The following EPHA8 variants were observed in gnomAD, a reference collection of about 807,000 sequenced individuals.
The protein encoded by EPHA8 is ephrin type-A receptor 8.
Under a neutral mutation model 103.6 loss-of-function variants are expected in EPHA8, and 58 were observed. The ratio of observed to expected loss-of-function variants is 0.56; its 90% CI spans 0.45 to 0.70. EPHA8 has a LOEUF of 0.70. Among genes scored for constraint, EPHA8 ranks in the 30% least tolerant of loss-of-function variants. The probability of loss-of-function intolerance (pLI) is 0.00; values close to 1 mark genes in which losing one functional copy is unlikely to be tolerated. For synonymous variants in EPHA8, 559 were observed against 572.5 expected, an observed-to-expected ratio of 0.98 and a Z score of 0.34; for missense variants, 1,304 against 1,395.2, an observed-to-expected ratio of 0.93 and a Z score of 1.04.
At chr1:22,577,903 G>C (rs1640768092) in intron 3 of EPHA8, among the ~76,000 whole-genome samples, 1 of 78,056 alleles carries the variant, frequency 1.3e-5, no homozygotes, top group African/African-American at 5.3e-5. Context: ...GTGCATGTGT[G>C]TGTATGTGTG....
intron 3 of EPHA8, among the ~76,000 whole-genome samples, chr1:22,577,797 CGT>C (rs1557558220): frequency 1.4e-4 from 18 of 126,992 alleles, no homozygotes; most frequent in African/African-American, 5.3e-4. Context: ...TGCGTGTGTG[CGT>C]AAGTGTATGT....
chr1:22,601,310 C>CTGTG lies in EPHA8; in HGVS notation c.2740_2741insTGTG (p.Pro914LeufsTer10). The stretch of plus-strand genomic sequence containing the variant: ...GCCCCTGTGCCTCAGGTGCCCACCC[C>CTGTG]CTGCCTTCGTCCGGAGCTGCTTTGA... On this transcript the variant is annotated frameshift_variant, in exon 16 of 17. Coordinates refer to ENST00000166244, the MANE Select transcript of EPHA8 (RefSeq NM_020526.5). LOFTEE classifies it high-confidence loss of function. The CTGTG allele has an allele frequency of 1.9e-6, 3 of 1,599,996 alleles. No homozygotes were observed. The highest frequency in any genetic ancestry group is 2.6e-6 in the Non-Finnish European group (3 of 1,175,782).
rs762318441 is a variant in EPHA8 at position 22,600,638 on chromosome 1, C to T, written c.2389-23C>T. The T allele has an allele frequency of 6.2e-6, 10 of 1,611,318 alleles. No homozygotes were observed. The South Asian group carries it at 8.8e-5, about 14-fold the overall frequency. ...ACCCTGCCAGGCCTGGGCAGCCCCT[C>T]AACTCTTGTGTGTCCGTCGCAGGGC... On this transcript the variant is annotated intron_variant, in intron 13 of 16. Coordinates refer to ENST00000166244, the MANE Select transcript of EPHA8 (RefSeq NM_020526.5).
intron 3 of EPHA8, among the ~76,000 whole-genome samples, chr1:22,581,558 T>A (rs1641047677): frequency 6.6e-6 from 1 of 152,100 alleles, no homozygotes; most frequent in African/African-American, 2.4e-5. Flanking sequence ...TCTTGCCCAA[T>A]TTTCTCAGCA....
chr1:22,585,048 T>TGTGTGCGCGTGC (rs1335581382), intron 3 of EPHA8, among the ~76,000 whole-genome samples: 1 of 111,284 alleles, frequency 9.0e-6, no homozygotes, highest in African/African-American at 4.5e-5. Flanking sequence ...TGTGTGTGTG[T>TGTGTGCGCGTGC]GTGCGCACGC....
In EPHA8 at chr1:22,600,996, G is replaced by A. The variant is rs776185156; in HGVS notation, c.2637G>A (p.Arg879=). 1.1e-5 allele frequency: 17 copies of A among 1,612,974 alleles called. No individual in the cohort carries two copies. The South Asian group carries it at 1.9e-4, about 18-fold the overall frequency. Residue 879 remains arginine, a synonymous_variant, in exon 15 of 17, where the codon CGG becomes CGA. Coordinates refer to ENST00000166244, the MANE Select transcript of EPHA8 (RefSeq NM_020526.5). Reference sequence around the variant, plus strand: ...TGCTCGACTGTTGGCACAAGGACCGGGCGCAGCGGCCTCGCTTCTCCCAGA... The same window carrying A: ...TGCTCGACTGTTGGCACAAGGACCGAGCGCAGCGGCCTCGCTTCTCCCAGA... ...QLMLDCWHKD[R]AQRPRFSQIV... is the part of the protein sequence containing the mutation.
intron 3 of EPHA8, among the ~76,000 whole-genome samples, chr1:22,583,071 G>T (rs1402933080): frequency 6.6e-6 from 1 of 152,228 alleles, no homozygotes; most frequent in Non-Finnish European, 1.5e-5. Context: ...GGTGGCCAGG[G>T]CCACAGGCAG....
rs138090615 is a variant in EPHA8, at chr1:22,595,272, C to T, written c.1646C>T (p.Thr549Met). Residue 549 changes from threonine (T) to methionine (M), a missense_variant, in exon 8 of 17, where the codon ACG (threonine) becomes ATG (methionine). Transcript: ENST00000166244. ...AGGACCATTGTCTGGATCTGCCTGA[C>T]GCTCATCACGGGCCTGGTGGTGCTT... ...DTRTIVWICLTLITGLVVLLL... is the reference protein window; with the variant it reads ...DTRTIVWICLMLITGLVVLLL... 3.9e-5 allele frequency: 63 copies of T among 1,613,748 alleles called. No individual in the cohort carries two copies. The highest frequency in any genetic ancestry group is 4.7e-5 in the Non-Finnish European group (55 of 1,179,882).
rs1489243212 is a variant in EPHA8 at position 22,598,128 on chromosome 1, C to G, written c.2117-23C>G. On this transcript the variant is annotated intron_variant, in intron 11 of 16. Coordinates refer to ENST00000166244, the MANE Select transcript of EPHA8 (RefSeq NM_020526.5). The surrounding 1 kb of genome is among the most constrained non-coding windows in gnomAD (Gnocchi z 5.1). ...GCCCTGAGCCCCAAACCAAGAGCCA[C>G]CCTCTCCCTACTGCCCGCCCAGGCC... is the stretch of plus-strand genomic sequence containing the variant. 1 of 1,612,982 alleles carries G rather than the reference C, an allele frequency of 6.2e-7. No individual in the cohort carries two copies.
chr1:22,601,546 G>A (rs1239163394), intron 16 of EPHA8, 73 bp downstream of exon 16: 10 of 1,597,962 alleles, frequency 6.3e-6, no homozygotes, highest in Non-Finnish European at 7.7e-6. Context: ...GGAGGCTACA[G>A]GTCCAGATCC....
intron 13 of EPHA8, among the ~76,000 whole-genome samples, chr1:22,600,081 A>T (rs1202676479): frequency 2.3e-5 from 2 of 88,548 alleles, no homozygotes; most frequent in African/African-American, 4.8e-5. Flanking sequence ...GGGAGGAAGG[A>T]AGGGAGGGAG....
chr1:22,599,808 GAGAA>G (rs1489706398), intron 13 of EPHA8, among the ~76,000 whole-genome samples: 1 of 11,234 alleles, frequency 8.9e-5, no homozygotes, highest in Non-Finnish European at 1.7e-4. Context: ...GGGAAGGAAG[GAGAA>G]AGAAGAAAGG....
intron 7 of EPHA8, among the ~76,000 whole-genome samples, chr1:22,594,246 G>T (rs1030809894): frequency 1.3e-5 from 2 of 152,224 alleles, no homozygotes; most frequent in Non-Finnish European, 2.9e-5. Flanking sequence ...GGGATTACAG[G>T]CATGGACCAC....
chr1:22,591,182 G>A (rs1255721906), intron 5 of EPHA8, among the ~76,000 whole-genome samples: 3 of 152,012 alleles, frequency 2.0e-5, no homozygotes, highest in Admixed American at 1.3e-4. Flanking sequence ...TTGAGGCCAG[G>A]AGTTTGAGAT....
intron 13 of EPHA8, among the ~76,000 whole-genome samples, chr1:22,600,438 G>A (rs544723536): frequency 6.6e-6 from 1 of 152,116 alleles, no homozygotes; most frequent in East Asian, 1.9e-4. Context: ...GCTGGTATTG[G>A]CCGAGCATCT....
At position 22,601,924 on chromosome 1, in the gene EPHA8, G is replaced by A; in HGVS notation, c.*183G>A. ...ATCAGGGGTCAGGCGCCTGGGAAGG[G>A]GCCTTTGGTGGCCACCCTGGTGAGG... On this transcript the variant is annotated 3_prime_UTR_variant, in exon 17 of 17. Coordinates refer to ENST00000166244, the MANE Select transcript of EPHA8 (RefSeq NM_020526.5). 1.6e-6 allele frequency: 1 copy of A among 636,822 alleles called. No individual in the cohort carries two copies. The allele number at this position is 636,822 out of a possible 1,614,324, so 39.4% of individuals were successfully genotyped here.
chr1:22,571,063 G>A (rs751036341), intron 2 of EPHA8, among the ~76,000 whole-genome samples: 17 of 152,258 alleles, frequency 1.1e-4, no homozygotes, highest in Middle Eastern at 3.4e-3. Context: ...GGCTGGCTCC[G>A]GGGTGTCTTT....
intron 3 of EPHA8, among the ~76,000 whole-genome samples, chr1:22,583,146 G>A (rs10449253): frequency 0.011 from 1,665 of 152,280 alleles, 43 homozygotes; most frequent in African/African-American, 0.037. Context: ...CTCCTGGCTC[G>A]CGGCCCAACA....
In EPHA8 at chr1:22,598,954, C is replaced by G; in HGVS notation, c.2295C>G (p.Asn765Lys). 2 of 1,612,518 alleles carry G rather than the reference C, an allele frequency of 1.2e-6. No individual in the cohort carries two copies. The highest frequency in any genetic ancestry group is 1.7e-6 in the Non-Finnish European group (2 of 1,179,848). ...GYVHRDLAAR[N>K]VLVDSNLVCK... ...TCCACCGAGACCTGGCCGCCCGCAACGTCCTGGTTGACAGCAACCTGGTCT... is the reference window on the plus strand; with the variant it reads ...TCCACCGAGACCTGGCCGCCCGCAAGGTCCTGGTTGACAGCAACCTGGTCT... Residue 765 changes from asparagine to lysine, a missense_variant, in exon 13 of 17, where the codon AAC becomes AAG. Physicochemically the swap from Asn to Lys is moderately conservative, Grantham distance 94 (BLOSUM62 0). Coordinates refer to ENST00000166244, the MANE Select transcript of EPHA8 (RefSeq NM_020526.5). The surrounding 1 kb of genome is among the most constrained non-coding windows in gnomAD (Gnocchi z 5.1).
Sources: gnomAD v4.1 joint callset for allele counts (sites outside exome capture counted in the v4.1 genomes callset) on GRCh38, gnomAD v4.1.1 for gene constraint, Gnocchi (gnomAD v3.1) non-coding constraint, MANE v1.5 for transcripts, NCBI Gene and HGNC (gene_info 2026-07-23, HGNC 2026-07-21) for gene names.